RASGEF1C: variants seen among roughly 807,000 people sequenced by gnomAD.
RASGEF1C encodes RasGEF domain family member 1C, also known as ras-GEF domain-containing family member 1C.
A neutral mutation model predicts 58.1 loss-of-function variants in RASGEF1C; 27 were observed. That is an observed-to-expected ratio of 0.46 (90% CI 0.34 to 0.64). RASGEF1C has a LOEUF of 0.64. RASGEF1C is among the 30% of genes least tolerant of loss of function. RASGEF1C has a pLI of 0.01. For missense variants in RASGEF1C, 502 were observed against 605.1 expected (o/e 0.83, Z 1.79); for synonymous variants, 243 against 246.3 (o/e 0.99, Z 0.13).
intron 1 of RASGEF1C, among the ~76,000 whole-genome samples, chr5:180,176,759 T>G (rs910386222): frequency 2.4e-4 from 37 of 152,226 alleles, no homozygotes; most frequent in African/African-American, 8.2e-4. Flanking sequence ...GGTTTCACCA[T>G]GTTGGCCAGG....
intron 4 of RASGEF1C, among the ~76,000 whole-genome samples, chr5:180,130,238 T>G (rs1214047275): frequency 6.6e-6 from 1 of 152,184 alleles, no homozygotes; most frequent in East Asian, 1.9e-4. Context: ...CCAGGGAAAC[T>G]AGGCTCCACG....
At chr5:180,128,361 G>A (rs1766299652) in intron 5 of RASGEF1C, 49 bp downstream of exon 5, 1 of 1,519,534 alleles carries the variant, frequency 6.6e-7, no homozygotes, top group African/African-American at 1.4e-5. Flanking sequence ...GTGTATCTGT[G>A]TGTGTCCTGC....
At chr5:180,149,089 T>TTTTTTTTTTTTTTTTTTTTC in intron 1 of RASGEF1C, among the ~76,000 whole-genome samples, 1 of 2,640 alleles carries the variant, frequency 3.8e-4, no homozygotes, top group Middle Eastern at 0.5. Flanking sequence ...TTTTTTTTTC[T>TTTTTTTTTTTTTTTTTTTTC]TTTTTTTTTT....
intron 10 of RASGEF1C, among the ~76,000 whole-genome samples, chr5:180,118,318 G>T (rs1262716803): frequency 1.3e-5 from 2 of 152,072 alleles, no homozygotes; most frequent in African/African-American, 4.8e-5. Context: ...TGAAGAACTG[G>T]TGAGCAGAAG....
chr5:180,174,582 G>T (rs1454307108), intron 1 of RASGEF1C, among the ~76,000 whole-genome samples: 4 of 149,070 alleles, frequency 2.7e-5, no homozygotes, highest in Non-Finnish European at 4.5e-5. Context: ...GTCTGTGTGT[G>T]CGCACGTGTG....
intron 1 of RASGEF1C, among the ~76,000 whole-genome samples, chr5:180,172,165 G>A (rs533390857): frequency 5.9e-5 from 9 of 152,290 alleles, no homozygotes; most frequent in Admixed American, 2.6e-4. Context: ...CAGGCAGGAC[G>A]GGCAGGGCCA....
intron 1 of RASGEF1C, among the ~76,000 whole-genome samples, chr5:180,192,023 T>C (rs1756172888): frequency 6.6e-6 from 1 of 152,192 alleles, no homozygotes; most frequent in Non-Finnish European, 1.5e-5. Flanking sequence ...AGCAGTTTAC[T>C]TCCTCAAGAC....
chr5:180,158,519 A>G lies in RASGEF1C; in HGVS notation c.-6-20461T>C, dbSNP rs1766883970. Among the ~76,000 whole-genome samples, 1 of 152,160 alleles carries G rather than the reference A, an allele frequency of 6.6e-6. No homozygotes were observed. Among genetic ancestry groups the G allele is most frequent in the Non-Finnish European group, 1.5e-5 (1 of 68,030 alleles). On this transcript the variant is annotated intron_variant, in intron 1 of 13. Transcript: ENST00000361132. The surrounding 1 kb of genome is among the most constrained non-coding windows in gnomAD (Gnocchi z 4.0). ...AGATCTGTGCTCGTTTGTCTTCACAATTTTGAAGGCATTGTTTTCTGGCTT... is the reference window on the plus strand; with the variant it reads ...AGATCTGTGCTCGTTTGTCTTCACAGTTTTGAAGGCATTGTTTTCTGGCTT...
At chr5:180,120,977 C>T in intron 7 of RASGEF1C, 83 bp downstream of exon 7, 1 of 942,598 alleles carries the variant, frequency 1.1e-6, no homozygotes, top group Non-Finnish European at 1.8e-6. Flanking sequence ...AGGTGTCCTT[C>T]CGGTTCCTTC....
At chr5:180,194,394 G>GAC (rs922075225) in intron 1 of RASGEF1C, among the ~76,000 whole-genome samples, 3 of 152,202 alleles carry the variant, frequency 2.0e-5, no homozygotes, top group African/African-American at 7.2e-5. Flanking sequence ...GTGACATGCA[G>GAC]ACACTTTAAG....
intron 1 of RASGEF1C, among the ~76,000 whole-genome samples, chr5:180,203,689 A>G (rs534333037): frequency 6.6e-6 from 1 of 152,328 alleles, no homozygotes; most frequent in East Asian, 1.9e-4. Flanking sequence ...GATAACTAAT[A>G]CAATGATATT....
At chr5:180,160,849 A>G (rs1415430212) in intron 1 of RASGEF1C, among the ~76,000 whole-genome samples, 1 of 152,142 alleles carries the variant, frequency 6.6e-6, no homozygotes, top group Non-Finnish European at 1.5e-5. Flanking sequence ...GCTCGAAGGC[A>G]CTTTCCTCCG....
intron 6 of RASGEF1C, 72 bp from the exon 7 acceptor site, chr5:180,121,221 GT>G: frequency 1.9e-6 from 2 of 1,029,590 alleles, no homozygotes; most frequent in South Asian, 2.6e-5. Flanking sequence ...CATGAAGTCA[GT>G]TCATGATCCT....
Position 180,113,864 on chromosome 5 carries a change from A to G in RASGEF1C, c.1179+582T>C, listed in dbSNP as rs537079636. On this transcript the variant is annotated intron_variant, in intron 11 of 13. Coordinates refer to ENST00000361132, the MANE Select transcript of RASGEF1C (RefSeq NM_175062.4). ...GAGGATGGATGGAGGGATCGAGGATAGATGGAGGGATCGAGGATGGATGGA... is the reference window on the plus strand; with the variant it reads ...GAGGATGGATGGAGGGATCGAGGATGGATGGAGGGATCGAGGATGGATGGA... 1.2e-3 allele frequency among the ~76,000 whole-genome samples: 179 copies of G among 148,746 alleles called. 1 individual carries two copies. The highest frequency in any genetic ancestry group is 3.3e-3 in the Admixed American group (49 of 14,990).
intron 1 of RASGEF1C, among the ~76,000 whole-genome samples, chr5:180,151,591 G>C (rs1449149395): frequency 6.6e-6 from 1 of 151,914 alleles, no homozygotes; most frequent in Non-Finnish European, 1.5e-5. Context: ...AGACTTAAAT[G>C]TTAGACCTAA....
In RASGEF1C at chr5:180,170,377, TACC is replaced by T. The variant is rs1286185800; in HGVS notation, c.-6-32322_-6-32320del. On this transcript the variant is annotated intron_variant, in intron 1 of 13. Coordinates refer to ENST00000361132, the MANE Select transcript of RASGEF1C (RefSeq NM_175062.4). The stretch of plus-strand genomic sequence containing the variant: ...TGAGGGAGAAAACAAGCGTCCTATT[TACC>T]ACGAGAATGAATATCGGGCTCTGTG... Among the ~76,000 whole-genome samples the T allele has an allele frequency of 2.0e-5, 3 of 152,190 alleles. No individual in the cohort carries two copies. The East Asian group carries it at 5.8e-4, about 29-fold the overall frequency.
In RASGEF1C at chr5:180,119,389, C is replaced by T. The variant is rs1188816694; in HGVS notation, c.864G>A (p.Glu288=). 2.5e-6 allele frequency: 4 copies of T among 1,614,220 alleles called. No individual in the cohort carries two copies. The highest frequency in any genetic ancestry group is 1.6e-4 in the Middle Eastern group (1 of 6,062). Residue 288 remains glutamate (E), a synonymous_variant, in exon 8 of 14, where the codon GAG becomes GAA. Transcript: ENST00000361132. ...AGTTGAAGTTGCCGATGTTGAAGCA[C>T]TCGCGGGCCACGTCGATGAAGAACT... ...VIEFFIDVAR[E]CFNIGNFNSL...
Position 180,197,002 on chromosome 5 carries a change from G to A in RASGEF1C, c.-7+12026C>T, listed in dbSNP as rs1316832398. On this transcript the variant is annotated intron_variant, in intron 1 of 13. Coordinates refer to ENST00000361132, the MANE Select transcript of RASGEF1C (RefSeq NM_175062.4). The surrounding 1 kb of genome is among the most constrained non-coding windows in gnomAD (Gnocchi z 4.7). ...AGACCTGACTTCACCCCAGAATGTGGAGCTGGGTGTGCTGCCCGAGGCTGG... is the reference window on the plus strand; with the variant it reads ...AGACCTGACTTCACCCCAGAATGTGAAGCTGGGTGTGCTGCCCGAGGCTGG... Among the ~76,000 whole-genome samples, 3 of 152,192 alleles carry A rather than the reference G, an allele frequency of 2.0e-5. No individual in the cohort carries two copies. Among genetic ancestry groups the A allele is most frequent in the African/African-American group, 7.2e-5 (3 of 41,452 alleles).
intron 6 of RASGEF1C, among the ~76,000 whole-genome samples, chr5:180,121,965 A>G (rs1766184241): frequency 6.6e-6 from 1 of 152,206 alleles, no homozygotes. Context: ...ATGGTGCTGA[A>G]GTGCCGTCTA....
Sources: gnomAD v4.1 joint callset for allele counts (sites outside exome capture counted in the v4.1 genomes callset) on GRCh38, gnomAD v4.1.1 for gene constraint, Gnocchi (gnomAD v3.1) non-coding constraint, MANE v1.5 for transcripts, NCBI Gene and HGNC (gene_info 2026-07-23, HGNC 2026-07-21) for gene names.